The following RNF213 variants were observed in gnomAD, a reference collection of about 807,000 sequenced individuals.
RNF213 encodes ring finger protein 213, also known as E3 ubiquitin-protein ligase RNF213.
In RNF213, 341 loss-of-function variants were observed where a neutral mutation model predicts 514.4. That is an observed-to-expected ratio of 0.66 (90% CI 0.61 to 0.73). The LOEUF (loss-of-function observed/expected upper bound fraction) is 0.73. Among genes scored for constraint, RNF213 ranks in the 30% least tolerant of loss-of-function variants. The pLI is 0.00. For synonymous variants in RNF213, 2,655 were observed against 2,658.2 expected (o/e 1.00, Z 0.04); for missense variants, 5,767 against 6,615.6 (o/e 0.87, Z 4.45).
intron 57 of RNF213, chr17:80,381,950 T>A: frequency 1.8e-6 from 1 of 563,110 alleles, no homozygotes; most frequent in Non-Finnish European, 3.2e-6. Context: ...TGGAAGGAGC[T>A]GCTCTGTTCC....
In RNF213 at chr17:80,346,742, C is replaced by T. The variant is rs773192393; in HGVS notation, c.8407C>T (p.His2803Tyr). 1 of 1,612,908 alleles carries T rather than the reference C, an allele frequency of 6.2e-7. No individual in the cohort carries two copies. Among genetic ancestry groups the T allele is most frequent in the East Asian group, 2.2e-5 (1 of 44,874 alleles). ...SDLFRSLKQV[H>Y]LVSFQCSPHS... Reference sequence around the variant, plus strand: ...TCTCTTCCGCAGCCTGAAGCAGGTCCACCTGGTGTCCTTCCAGTGCAGCCC... The same window carrying T: ...TCTCTTCCGCAGCCTGAAGCAGGTCTACCTGGTGTCCTTCCAGTGCAGCCC... The change falls in exon 29 of 68, where the codon CAC becomes TAC. Residue 2803 changes from histidine (H) to tyrosine (Y), a missense_variant. By Grantham distance (83) the His-to-Tyr change is moderately conservative. Coordinates refer to ENST00000582970, the MANE Select transcript of RNF213 (RefSeq NM_001256071.3). The surrounding 1 kb of genome is among the most constrained non-coding windows in gnomAD (Gnocchi z 8.1).
chr17:80,392,818 G>A (rs748880825), intron 67 of RNF213, among the ~76,000 whole-genome samples: 1 of 152,106 alleles, frequency 6.6e-6, no homozygotes, highest in Non-Finnish European at 1.5e-5. Context: ...TCGAACTCCT[G>A]ACTTCAAGTG....
At chr17:80,364,654 C>T (rs2079188886) in intron 42 of RNF213, 101 bp downstream of exon 42, 4 of 1,469,140 alleles carry the variant, frequency 2.7e-6, no homozygotes, top group South Asian at 2.3e-5. Flanking sequence ...GCTCTTTTGG[C>T]TCTGACCGTT....
rs373686262 is a variant in RNF213 at position 80,313,866 on chromosome 17, GTGAAGGTGA to G, written c.2811+702_2811+710del. Among the ~76,000 whole-genome samples, 544 of 87,436 alleles carry G rather than the reference GTGAAGGTGA, an allele frequency of 6.2e-3. 46 individuals are homozygous for G. Among genetic ancestry groups the G allele is most frequent in the Non-Finnish European group, 8.3e-3 (337 of 40,386 alleles). 57.4% of individuals were successfully genotyped at this position (87,436 alleles called of 152,430 possible). A position where few individuals can be genotyped will look rare whatever the true frequency, so the allele number is the denominator to read the frequency against. ...GGAGGTACTGGAGGTGATGGTGGTGGTGAAGGTGATGGTGGAGGTACTGGAGGTGATGGT... is the reference window on the plus strand; with the variant it reads ...GGAGGTACTGGAGGTGATGGTGGTGGTGGTGGAGGTACTGGAGGTGATGGT... On this transcript the variant is annotated intron_variant, in intron 15 of 67. Coordinates refer to ENST00000582970, the MANE Select transcript of RNF213 (RefSeq NM_001256071.3).
At chr17:80,338,940 T>G (rs1198879045) in intron 25 of RNF213, among the ~76,000 whole-genome samples, 1 of 143,650 alleles carries the variant, frequency 7.0e-6, no homozygotes, top group Admixed American at 7.0e-5. Context: ...AATGCAAGAC[T>G]CCATCTCAAA....
rs558948397 is a variant in RNF213 at position 80,298,266 on chromosome 17, G to A, written c.2013-55G>A. 3 of 1,588,390 alleles carry A rather than the reference G, an allele frequency of 1.9e-6. No individual in the cohort carries two copies. The South Asian group carries it at 3.4e-5, about 18-fold the overall frequency. Reference sequence around the variant, plus strand: ...TTCCTGTTGGGACTCCAGACTCCCAGGGAGATGACTCCCTGGCCAGCTCAG... The same window carrying A: ...TTCCTGTTGGGACTCCAGACTCCCAAGGAGATGACTCCCTGGCCAGCTCAG... On this transcript the variant is annotated intron_variant, in intron 10 of 67. Transcript: ENST00000582970.
At chr17:80,310,402 A>G (rs938870233) in intron 14 of RNF213, among the ~76,000 whole-genome samples, 59 of 145,890 alleles carry the variant, frequency 4.0e-4, no homozygotes, top group Middle Eastern at 4.2e-3. Context: ...ACAGGTGTGC[A>G]CCACCACACC....
intron 17 of RNF213, among the ~76,000 whole-genome samples, chr17:80,323,032 T>C (rs896012002): frequency 6.6e-6 from 1 of 152,250 alleles, no homozygotes; most frequent in Non-Finnish European, 1.5e-5. Flanking sequence ...TGTAGGCCTT[T>C]GATCCATTTT....
rs372809375 is a variant in RNF213 at position 80,367,753 on chromosome 17, T to G, written c.11877T>G (p.Leu3959=). 4 of 1,613,952 alleles carry G rather than the reference T, an allele frequency of 2.5e-6. No homozygotes were observed. In the African/African-American group the frequency reaches 5.3e-5, roughly 22 times the overall value. ...CTGTCCCTGCCTTTCTTCAGTGTCT[T>G]CGAGAGAACTCTGACGTGAAGACGC... is the stretch of plus-strand genomic sequence containing the variant. ...TEHVFLLDKC[L]RENSDVKTHG... Residue 3959 remains leucine, a synonymous_variant, in exon 43 of 68, where the codon CTT becomes CTG. Transcript: ENST00000582970.
chr17:80,364,479 G>A lies in RNF213; in HGVS notation c.11797G>A (p.Val3933Met), dbSNP rs1181813391. 4 of 1,614,138 alleles carry A rather than the reference G, an allele frequency of 2.5e-6. No homozygotes were observed. Among genetic ancestry groups the A allele is most frequent in the Non-Finnish European group, 1.7e-6 (2 of 1,180,022 alleles). ...IFSTALFVEH[V>M]LLGTESRVPE... ...CTCCACCGCACTCTTCGTGGAGCAC[G>A]TGCTCCTAGGAACCGAGAGCCGCGT... The change falls in exon 42 of 68, where the codon GTG (valine) becomes ATG (methionine). Residue 3933 changes from valine (V) to methionine (M), a missense_variant. This residue lies in a region of RNF213 where 355 missense variants were observed against 358.0 expected (regional missense o/e 0.99). Transcript: ENST00000582970.
At chr17:80,334,731 A>G (rs566417101) in intron 22 of RNF213, among the ~76,000 whole-genome samples, 2 of 151,380 alleles carry the variant, frequency 1.3e-5, no homozygotes, top group Admixed American at 1.3e-4. Context: ...GGTTCACGCC[A>G]TTCTCTTGCC....
chr17:80,381,468 C>T, intron 56 of RNF213, 79 bp from the exon 57 acceptor site: 1 of 1,461,940 alleles, frequency 6.8e-7, no homozygotes, highest in Non-Finnish European at 9.6e-7. Context: ...GTGCTCCACT[C>T]CCAATGGCCT....
Position 80,347,508 on chromosome 17 carries a change from C to G in RNF213, c.9173C>G (p.Thr3058Arg). ...NYVALQILQQ[T>R]FFEGDQQPEI... is the part of the protein sequence containing the mutation. The stretch of plus-strand genomic sequence containing the variant: ...GTGGCACTGCAGATCCTGCAGCAGA[C>G]ATTCTTCGAGGGGGACCAGCAGCCG... The change falls in exon 29 of 68, where the codon ACA becomes AGA. Residue 3058 changes from threonine to arginine, a missense_variant. By Grantham distance (71) the Thr-to-Arg change is moderately conservative. This residue lies in a region of RNF213 where 919 missense variants were observed against 1,121.0 expected (regional missense o/e 0.82). Transcript: ENST00000582970. The surrounding 1 kb of genome is among the most constrained non-coding windows in gnomAD (Gnocchi z 7.2). 1 of 1,614,102 alleles carries G rather than the reference C, an allele frequency of 6.2e-7. No homozygotes were observed. Among genetic ancestry groups the G allele is most frequent in the Non-Finnish European group, 8.5e-7 (1 of 1,180,040 alleles).
In RNF213 at chr17:80,377,106, G is replaced by A; in HGVS notation, c.13510+143G>A. On this transcript the variant is annotated intron_variant, in intron 53 of 67. Transcript: ENST00000582970. The surrounding 1 kb of genome is among the most constrained non-coding windows in gnomAD (Gnocchi z 4.1). Reference sequence around the variant, plus strand: ...CACCTGCATTCTACCGGTGGCGTCTGCAGAAGACGAATGGCTTGAAGGAGC... The same window carrying A: ...CACCTGCATTCTACCGGTGGCGTCTACAGAAGACGAATGGCTTGAAGGAGC... 3 of 686,868 alleles carry A rather than the reference G, an allele frequency of 4.4e-6. No individual in the cohort carries two copies. The highest frequency in any genetic ancestry group is 7.9e-6 in the Non-Finnish European group (3 of 377,880). 42.5% of individuals were successfully genotyped at this position (686,868 alleles called of 1,614,324 possible).
intron 14 of RNF213, among the ~76,000 whole-genome samples, chr17:80,311,140 C>G (rs1751826349): frequency 6.6e-6 from 1 of 152,192 alleles, no homozygotes; most frequent in Non-Finnish European, 1.5e-5. Context: ...GCTGGGATCT[C>G]AGATAAGTTT....
At chr17:80,295,442 G>A in intron 9 of RNF213, 115 bp from the exon 10 acceptor site, 1 of 1,317,804 alleles carries the variant, frequency 7.6e-7, no homozygotes, top group Non-Finnish European at 1.1e-6. Flanking sequence ...TCACAGGTGT[G>A]GTGGTGGGGC....
intron 7 of RNF213, among the ~76,000 whole-genome samples, chr17:80,291,359 C>T (rs904205379): frequency 2.7e-5 from 4 of 150,748 alleles, no homozygotes; most frequent in Non-Finnish European, 5.9e-5. Flanking sequence ...GGCCATCATG[C>T]CCAGCTTTGT....
rs776998759 is a variant in RNF213, at chr17:80,347,240, G to C, written c.8905G>C (p.Ala2969Pro). 1.3e-5 allele frequency: 21 copies of C among 1,613,126 alleles called. No homozygotes were observed. The South Asian group carries it at 1.8e-4, about 14-fold the overall frequency. ...CAAAATGGTCTTTGCTGCAGCAAAGGCTTCAAATAGAAAGCCTTCCCCGCA... is the reference window on the plus strand; with the variant it reads ...CAAAATGGTCTTTGCTGCAGCAAAGCCTTCAAATAGAAAGCCTTCCCCGCA... ...LIKMVFAAAK[A>P]SNRKPSPQDI... Residue 2969 changes from alanine (A) to proline (P), a missense_variant, in exon 29 of 68, where the codon GCT becomes CCT. Physicochemically the swap from Ala to Pro is conservative, Grantham distance 27. Transcript: ENST00000582970. This position sits in a 1 kb window ranked among gnomAD's most constrained non-coding sequence, Gnocchi z 7.2.
chr17:80,316,896 A>C (rs1016790828), intron 15 of RNF213, among the ~76,000 whole-genome samples: 10 of 152,240 alleles, frequency 6.6e-5, no homozygotes, highest in Non-Finnish European at 1.5e-4. Context: ...AAAGTTCAAA[A>C]ATTTTCAAAG....
Sources: gnomAD v4.1 joint callset for allele counts (sites outside exome capture counted in the v4.1 genomes callset) on GRCh38, gnomAD v4.1.1 for gene constraint, gnomAD v4.1.1 regional missense constraint, Gnocchi (gnomAD v3.1) non-coding constraint, MANE v1.5 for transcripts, NCBI Gene and HGNC (gene_info 2026-07-23, HGNC 2026-07-21) for gene names.